Variants in USH2A observed in about 807,000 individuals in gnomAD.
USH2A encodes the protein Usher syndrome 2A (autosomal recessive, mild).
In USH2A, 443 loss-of-function variants were observed where a neutral mutation model predicts 538.9. The observed-to-expected ratio is 0.82, with a 90% CI of 0.76 to 0.89. USH2A has a LOEUF of 0.89. USH2A is among the 40% of genes least tolerant of loss of function. The pLI, the probability that USH2A is intolerant of heterozygous loss-of-function variation, is 0.00. For synonymous variants in USH2A, 2,413 were observed against 2,273.5 expected (o/e 1.06, Z -1.75); for missense variants, 6,633 against 6,324.8 (o/e 1.05, Z -1.65).
intron 61 of USH2A, among the ~76,000 whole-genome samples, chr1:215,718,974 T>C (rs1247783291): frequency 6.6e-6 from 1 of 152,226 alleles, no homozygotes; most frequent in Non-Finnish European, 1.5e-5. Context: ...GAGGGTTTCC[T>C]TGTAAGTTGG....
intron 34 of USH2A, among the ~76,000 whole-genome samples, chr1:215,997,307 GC>G (rs1207349638): frequency 6.6e-6 from 1 of 152,028 alleles, no homozygotes; most frequent in Non-Finnish European, 1.5e-5. Flanking sequence ...ATAACATCTT[GC>G]ATCAACACTA....
intron 61 of USH2A, among the ~76,000 whole-genome samples, chr1:215,725,443 C>T (rs114746598): frequency 1.4e-3 from 215 of 152,306 alleles, no homozygotes; most frequent in African/African-American, 4.9e-3. Context: ...GTCATAGTTG[C>T]CCTGATGCCC....
chr1:216,325,164 C>G, intron 6 of USH2A, 141 bp downstream of exon 6: 1 of 981,570 alleles, frequency 1.0e-6, no homozygotes, highest in South Asian at 1.5e-5. Flanking sequence ...GGGAATGTAG[C>G]CCTGCCAACA....
chr1:215,779,741 A>G (rs1479437444), intron 55 of USH2A, 102 bp downstream of exon 55: 1 of 1,399,944 alleles, frequency 7.1e-7, no homozygotes, highest in East Asian at 2.4e-5. Flanking sequence ...CGTCCTTTCG[A>G]AGTGACCTCA....
chr1:215,788,869 T>G (rs1661885650), intron 51 of USH2A, among the ~76,000 whole-genome samples: 1 of 151,862 alleles, frequency 6.6e-6, no homozygotes, highest in African/African-American at 2.4e-5. Flanking sequence ...CCTCCATACA[T>G]CTATATACAA....
intron 6 of USH2A, among the ~76,000 whole-genome samples, chr1:216,324,594 A>G (rs567914393): frequency 6.6e-6 from 1 of 152,280 alleles, no homozygotes; most frequent in Non-Finnish European, 1.5e-5. Flanking sequence ...AGACATAAAC[A>G]AAGAACATTA....
chr1:215,877,966 G>T (rs1246946400), intron 42 of USH2A, 86 bp from the exon 43 acceptor site: 2 of 1,558,186 alleles, frequency 1.3e-6, no homozygotes, highest in Admixed American at 1.7e-5. Flanking sequence ...TGGCATGTGC[G>T]TGTGATATAT....
intron 3 of USH2A, among the ~76,000 whole-genome samples, chr1:216,378,588 C>T (rs2038877914): frequency 6.6e-6 from 1 of 152,162 alleles, no homozygotes; most frequent in Non-Finnish European, 1.5e-5. Context: ...AATACCCACA[C>T]AAGCCTTAAT....
At chr1:216,005,089 T>C (rs1668362195) in intron 32 of USH2A, among the ~76,000 whole-genome samples, 1 of 152,178 alleles carries the variant, frequency 6.6e-6, no homozygotes, top group Non-Finnish European at 1.5e-5. Context: ...TGAGATCCTA[T>C]TTGATGTAAC....
chr1:216,306,184 T>C (rs372169918), intron 9 of USH2A, among the ~76,000 whole-genome samples: 1 of 152,120 alleles, frequency 6.6e-6, no homozygotes, highest in Non-Finnish European at 1.5e-5. Context: ...AATCCCAAAC[T>C]TCTTGGAGGC....
At chr1:216,378,904 G>A (rs1015227143) in intron 3 of USH2A, among the ~76,000 whole-genome samples, 2 of 151,686 alleles carry the variant, frequency 1.3e-5, no homozygotes, top group Admixed American at 1.3e-4. Flanking sequence ...CTTTTTGTAG[G>A]TGGACATTGG....
chr1:215,692,425 T>C (rs1658647650), intron 61 of USH2A, among the ~76,000 whole-genome samples: 1 of 150,824 alleles, frequency 6.6e-6, no homozygotes, highest in Non-Finnish European at 1.5e-5. Flanking sequence ...TAGAGATTGA[T>C]GACTCAGGAG....
intron 37 of USH2A, among the ~76,000 whole-genome samples, chr1:215,941,407 C>T (rs1249486747): frequency 1.3e-5 from 2 of 151,986 alleles, no homozygotes; most frequent in African/African-American, 2.4e-5. Context: ...TTTTTACTAA[C>T]CATATATGCT....
intron 47 of USH2A, among the ~76,000 whole-genome samples, chr1:215,824,226 C>G (rs982033778): frequency 6.6e-6 from 1 of 152,086 alleles, no homozygotes; most frequent in African/African-American, 2.4e-5. Flanking sequence ...CTCTTCTCTC[C>G]ATTTCTTATG....
At chr1:215,636,516 C>A (rs1339574186) in intron 69 of USH2A, among the ~76,000 whole-genome samples, 2 of 152,182 alleles carry the variant, frequency 1.3e-5, no homozygotes, top group Admixed American at 1.3e-4. Context: ...TAAAAACAAA[C>A]CAGCCTAGGT....
At chr1:216,277,612 A>G (rs1181020567) in intron 11 of USH2A, among the ~76,000 whole-genome samples, 3 of 152,120 alleles carry the variant, frequency 2.0e-5, no homozygotes, top group African/African-American at 7.2e-5. Flanking sequence ...AGCAGAGATG[A>G]CATGCTCCCC....
chr1:215,786,443 T>C (rs1558097318), intron 52 of USH2A, among the ~76,000 whole-genome samples: 1 of 152,240 alleles, frequency 6.6e-6, no homozygotes. Context: ...TACCTTAATA[T>C]GGAATACAAC....
intron 21 of USH2A, among the ~76,000 whole-genome samples, chr1:216,112,567 A>C (rs2032901073): frequency 6.6e-6 from 1 of 152,094 alleles, no homozygotes; most frequent in Admixed American, 6.6e-5. Flanking sequence ...TACAAGAATT[A>C]AGCCTAATAC....
chr1:215,922,030 A>G (rs1340366222), intron 38 of USH2A, among the ~76,000 whole-genome samples: 1 of 152,054 alleles, frequency 6.6e-6, no homozygotes, highest in Non-Finnish European at 1.5e-5. Context: ...AGAAGGAAAA[A>G]TCTTAGCTAT....
Sources: gnomAD v4.1 joint callset for allele counts (sites outside exome capture counted in the v4.1 genomes callset) on GRCh38, gnomAD v4.1.1 for gene constraint, MANE v1.5 for transcripts, NCBI Gene and HGNC (gene_info 2026-07-23, HGNC 2026-07-21) for gene names.